Variants in VAV3 observed in about 807,000 individuals in gnomAD.
The protein encoded by VAV3 is vav guanine nucleotide exchange factor 3.
VAV3 carries 94 observed loss-of-function variants against 131.2 expected under a neutral mutation model. The ratio of observed to expected loss-of-function variants is 0.72; its 90% CI spans 0.61 to 0.85. VAV3 has a LOEUF of 0.85. VAV3 is among the 40% of genes least tolerant of loss of function. The pLI, the probability that VAV3 is intolerant of heterozygous loss-of-function variation, is 0.00. For missense variants in VAV3, 939 were observed against 1,002.7 expected, an observed-to-expected ratio of 0.94 and a Z score of 0.86; for synonymous variants, 349 against 342.0, an observed-to-expected ratio of 1.02 and a Z score of -0.22.
At chr1:107,691,120 G>T (rs1294930405) in intron 17 of VAV3, among the ~76,000 whole-genome samples, 1 of 152,122 alleles carries the variant, frequency 6.6e-6, no homozygotes, top group Non-Finnish European at 1.5e-5. Flanking sequence ...TAAACAGACT[G>T]CCTCCTTTAT....
chr1:107,639,808 C>T (rs991986916), intron 20 of VAV3, among the ~76,000 whole-genome samples: 1 of 151,950 alleles, frequency 6.6e-6, no homozygotes, highest in Non-Finnish European at 1.5e-5. Context: ...GTGATACATG[C>T]CTGTTGTTCC....
At chr1:107,598,091 T>C (rs556884924) in intron 24 of VAV3, among the ~76,000 whole-genome samples, 17 of 152,180 alleles carry the variant, frequency 1.1e-4, no homozygotes, top group Non-Finnish European at 2.5e-4. Context: ...TGGTGGTTCA[T>C]GCCTGTAATC....
intron 1 of VAV3, among the ~76,000 whole-genome samples, chr1:107,951,532 G>C (rs1393568669): frequency 6.6e-6 from 1 of 152,150 alleles, no homozygotes; most frequent in Middle Eastern, 3.2e-3. Context: ...AGAGTAAAGA[G>C]ACAACCTACA....
chr1:107,893,651 C>G (rs1671424337), intron 1 of VAV3, among the ~76,000 whole-genome samples: 1 of 152,166 alleles, frequency 6.6e-6, no homozygotes, highest in Admixed American at 6.5e-5. Context: ...CACATGAGAA[C>G]AGCACAGGAA....
chr1:107,589,033 T>C (rs1650728908), intron 25 of VAV3, among the ~76,000 whole-genome samples: 1 of 152,188 alleles, frequency 6.6e-6, no homozygotes, highest in Non-Finnish European at 1.5e-5. Context: ...GTGTTTTTCT[T>C]GTATAAATCT....
At chr1:107,879,414 T>C (rs1398735680) in intron 1 of VAV3, among the ~76,000 whole-genome samples, 2 of 152,194 alleles carry the variant, frequency 1.3e-5, no homozygotes. Context: ...ATTCTATAAT[T>C]TTCTTTGTGG....
chr1:107,573,285 C>T lies in VAV3; in HGVS notation c.*46G>A. 1 of 1,606,554 alleles carries T rather than the reference C, an allele frequency of 6.2e-7. No homozygotes were observed. Among genetic ancestry groups the T allele is most frequent in the Non-Finnish European group, 8.5e-7 (1 of 1,176,122 alleles). On this transcript the variant is annotated 3_prime_UTR_variant, in exon 27 of 27. Coordinates refer to ENST00000370056, the MANE Select transcript of VAV3 (RefSeq NM_006113.5). ...CGATGCTGTGCAGGCTTCTATTTAT[C>T]CCTTCTCTGAAATTTTTGGTGCAGG...
chr1:107,713,469 A>T (rs1269874980), intron 15 of VAV3, among the ~76,000 whole-genome samples: 1 of 152,126 alleles, frequency 6.6e-6, no homozygotes, highest in African/African-American at 2.4e-5. Flanking sequence ...GAAAGTCCAT[A>T]AGAAAAAAAT....
At chr1:107,847,660 G>T (rs1669032170) in intron 2 of VAV3, among the ~76,000 whole-genome samples, 1 of 152,060 alleles carries the variant, frequency 6.6e-6, no homozygotes, top group African/African-American at 2.4e-5. Context: ...AAATAAACTA[G>T]AAAATGAAGA....
intron 19 of VAV3, among the ~76,000 whole-genome samples, chr1:107,670,575 C>T (rs1014535089): frequency 3.9e-5 from 6 of 151,920 alleles, no homozygotes; most frequent in African/African-American, 1.5e-4. Flanking sequence ...TAATGAACTC[C>T]TTTTGGGAGA....
chr1:107,692,142 C>T (rs938062017), intron 17 of VAV3, among the ~76,000 whole-genome samples: 8 of 152,050 alleles, frequency 5.3e-5, no homozygotes, highest in African/African-American at 1.9e-4. Context: ...GACTAAAGTG[C>T]TATTTCTGTG....
chr1:107,721,308 C>T lies in VAV3; in HGVS notation c.1503-16247G>A, dbSNP rs888184711. On this transcript the variant is annotated intron_variant, in intron 15 of 26. Transcript: ENST00000370056. ...AAAGATATTGGCTGCTACTGTATGG[C>T]TGTCTTAGTATTCCAGAACTGTTCA... Among the ~76,000 whole-genome samples, 26 of 152,158 alleles carry T rather than the reference C, an allele frequency of 1.7e-4. 1 individual carries two copies. The highest frequency in any genetic ancestry group is 2.8e-4 in the Non-Finnish European group (19 of 68,036).
chr1:107,777,362 T>C, intron 3 of VAV3, 66 bp from the exon 4 acceptor site: 11 of 1,428,598 alleles, frequency 7.7e-6, no homozygotes, highest in South Asian at 1.2e-5. Context: ...ACAATCAGGC[T>C]GCGCACTTAA....
At chr1:107,616,668 T>C (rs1438022372) in intron 21 of VAV3, among the ~76,000 whole-genome samples, 2 of 152,302 alleles carry the variant, frequency 1.3e-5, no homozygotes, top group East Asian at 3.9e-4. Context: ...ATTTTGAAAG[T>C]AATTAAGCTT....
rs1378519383 is a variant in VAV3 at position 107,704,942 on chromosome 1, A to G, written c.1604+18T>C. On this transcript the variant is annotated intron_variant, in intron 16 of 26. Transcript: ENST00000370056. ...TATCAGTTCCTTTAAACTGAAAACC[A>G]GGACTGAGCAGGCTTACCTCAGGAG... 6.2e-7 allele frequency: 1 copy of G among 1,605,458 alleles called. No homozygotes were observed. The highest frequency in any genetic ancestry group is 8.5e-7 in the Non-Finnish European group (1 of 1,172,734).
intron 1 of VAV3, among the ~76,000 whole-genome samples, chr1:107,914,957 G>T (rs182937724): frequency 2.6e-5 from 4 of 152,290 alleles, no homozygotes; most frequent in Admixed American, 2.6e-4. Flanking sequence ...CTAAAGGGAA[G>T]AACTCATTTT....
intron 2 of VAV3, among the ~76,000 whole-genome samples, chr1:107,869,236 G>A (rs1329423609): frequency 6.6e-6 from 1 of 152,092 alleles, no homozygotes; most frequent in Non-Finnish European, 1.5e-5. Context: ...TCTCAAAGGA[G>A]ATCCAAGGCC....
intron 1 of VAV3, among the ~76,000 whole-genome samples, chr1:107,962,596 T>A (rs1675150750): frequency 6.6e-6 from 1 of 152,152 alleles, no homozygotes; most frequent in African/African-American, 2.4e-5. Context: ...CGGCCTAGCA[T>A]CCACTTGTTC....
chr1:107,893,684 T>C (rs1046658400), intron 1 of VAV3, among the ~76,000 whole-genome samples: 2 of 152,084 alleles, frequency 1.3e-5, no homozygotes, highest in African/African-American at 4.8e-5. Context: ...ATGATTCAAT[T>C]ACCTCCCACC....
Sources: allele counts gnomAD v4.1 joint callset (sites outside exome capture counted in the v4.1 genomes callset), GRCh38; gene constraint gnomAD v4.1.1; transcripts MANE v1.5; gene names NCBI Gene and HGNC (gene_info 2026-07-23, HGNC 2026-07-21).